The following RASGRP3 variants were observed in gnomAD, a reference collection of about 807,000 sequenced individuals.
The protein encoded by RASGRP3 is ras guanyl-releasing protein 3.
Under a neutral mutation model 82.7 loss-of-function variants are expected in RASGRP3, and 54 were observed. The observed-to-expected ratio is 0.65, with a 90% confidence interval of 0.52 to 0.82. The LOEUF is 0.82. RASGRP3 is among the 40% of genes least tolerant of loss of function. The probability of loss-of-function intolerance (pLI) is 0.00; values close to 1 mark genes in which losing one functional copy is unlikely to be tolerated. For missense variants in RASGRP3, 861 were observed against 828.9 expected, an observed-to-expected ratio of 1.04 and a Z score of -0.48; for synonymous variants, 309 against 300.5, an observed-to-expected ratio of 1.03 and a Z score of -0.29.
intron 3 of RASGRP3, among the ~76,000 whole-genome samples, chr2:33,515,863 C>A (rs1351134893): frequency 6.6e-6 from 1 of 152,150 alleles, no homozygotes; most frequent in African/African-American, 2.4e-5. Context: ...AGAGTTAAAC[C>A]AGTGCAGGGT....
chr2:33,549,675 TG>T lies in RASGRP3; in HGVS notation c.1469del (p.Gly490AspfsTer11). 1 of 1,613,870 alleles carries T rather than the reference TG, an allele frequency of 6.2e-7. No individual in the cohort carries two copies. Among genetic ancestry groups the T allele is most frequent in the Non-Finnish European group, 8.5e-7 (1 of 1,179,754 alleles). ...LRAKSQLHCKMGPGFIHNFQE... is the reference protein window; with the variant it reads ...LRAKSQLHCKXGPGFIHNFQE... ...GCTAAATCCCAACTACACTGTAAAA[TG>T]GGACCAGGATTTATCCATAATTTTC... On this transcript the variant is annotated frameshift_variant, in exon 14 of 18. Transcript: ENST00000403687. LOFTEE classifies it high-confidence loss of function.
At chr2:33,483,097 T>C (rs1198234375) in intron 1 of RASGRP3, among the ~76,000 whole-genome samples, 3 of 152,118 alleles carry the variant, frequency 2.0e-5, no homozygotes, top group African/African-American at 7.2e-5. Context: ...TTATGGTCTA[T>C]AGAATGTAGG....
intron 2 of RASGRP3, among the ~76,000 whole-genome samples, chr2:33,461,475 G>T (rs1022542814): frequency 5.3e-5 from 8 of 152,010 alleles, no homozygotes; most frequent in East Asian, 1.9e-4. Flanking sequence ...GCGGGGTTTC[G>T]CCATGTTGGC....
intron 1 of RASGRP3, among the ~76,000 whole-genome samples, chr2:33,507,843 A>G (rs1381067720): frequency 6.6e-6 from 1 of 152,216 alleles, no homozygotes; most frequent in Non-Finnish European, 1.5e-5. Context: ...GGATTTTTAA[A>G]AGATTCTTTC....
At chr2:33,493,232 G>A (rs1669012284) in intron 1 of RASGRP3, 1 of 152,204 alleles carries the variant, frequency 6.6e-6, no homozygotes, top group Non-Finnish European at 1.5e-5. Flanking sequence ...CTGACAATGT[G>A]GGAAGCATTT....
At chr2:33,551,558 C>T (rs1452548532) in intron 14 of RASGRP3, among the ~76,000 whole-genome samples, 5 of 151,678 alleles carry the variant, frequency 3.3e-5, no homozygotes, top group African/African-American at 9.7e-5. Context: ...CTCAAGGTCC[C>T]GGGTGCTGTG....
chr2:33,512,076 A>G (rs949406152), intron 2 of RASGRP3, among the ~76,000 whole-genome samples: 2 of 152,248 alleles, frequency 1.3e-5, no homozygotes, highest in South Asian at 2.1e-4. Flanking sequence ...ATGTCCACAC[A>G]TAGGAAATGA....
At chr2:33,473,811 CA>C (rs2150920938), upstream of RASGRP3, among the ~76,000 whole-genome samples, 1 of 152,294 alleles carries the variant, frequency 6.6e-6, no homozygotes, top group South Asian at 2.1e-4. Flanking sequence ...AGAACCTCTA[CA>C]CCAGTGGTCC....
intron 11 of RASGRP3, among the ~76,000 whole-genome samples, chr2:33,535,148 C>T (rs1271326772): frequency 6.6e-6 from 1 of 152,150 alleles, no homozygotes; most frequent in Non-Finnish European, 1.5e-5. Context: ...TCTCTACTAA[C>T]CATTGATTCA....
chr2:33,513,358 T>C (rs1217199784), intron 2 of RASGRP3, among the ~76,000 whole-genome samples: 1 of 152,124 alleles, frequency 6.6e-6, no homozygotes, highest in Non-Finnish European at 1.5e-5. Flanking sequence ...ATATGGACAT[T>C]AGGTATTTTT....
At chr2:33,543,162 A>G (rs1025340271) in intron 12 of RASGRP3, among the ~76,000 whole-genome samples, 1 of 151,866 alleles carries the variant, frequency 6.6e-6, no homozygotes, top group African/African-American at 2.4e-5. Flanking sequence ...ATAGGCATGC[A>G]CCACCGTGCC....
chr2:33,487,080 C>T lies in RASGRP3; in HGVS notation c.-261+10373C>T, dbSNP rs143688238. On this transcript the variant is annotated intron_variant, in intron 1 of 17. Coordinates refer to ENST00000403687, the MANE Select transcript of RASGRP3 (RefSeq NM_001139488.2). Reference sequence around the variant, plus strand: ...TATATATCCCTACCGATGTTCTCCCCTTCCCATATTAGCTTTGAAGTAAAT... The same window carrying T: ...TATATATCCCTACCGATGTTCTCCCTTTCCCATATTAGCTTTGAAGTAAAT... Among the ~76,000 whole-genome samples the T allele has an allele frequency of 9.5e-4, 145 of 152,246 alleles. 2 individuals carry two copies. The East Asian group carries it at 0.025, about 27-fold the overall frequency.
At chr2:33,485,579 A>C (rs1170128330) in intron 1 of RASGRP3, among the ~76,000 whole-genome samples, 1 of 152,220 alleles carries the variant, frequency 6.6e-6, no homozygotes, top group East Asian at 1.9e-4. Flanking sequence ...TAGCAGTGAC[A>C]GTTTGCTTTA....
In RASGRP3 at chr2:33,539,111, G is replaced by A. The variant is rs376346410; in HGVS notation, c.1179G>A (p.Thr393=). 1.4e-4 allele frequency: 233 copies of A among 1,607,264 alleles called. No individual in the cohort carries two copies. Among genetic ancestry groups the A allele is most frequent in the Non-Finnish European group, 1.8e-4 (217 of 1,176,990 alleles). Reference sequence around the variant, plus strand: ...TTTATCAGCAGCCTACCTCCCCTACGACGCCCAACAAGCCTGTGGTACCCC... The same window carrying A: ...TTTATCAGCAGCCTACCTCCCCTACAACGCCCAACAAGCCTGTGGTACCCC... The part of the protein sequence containing the change: ...RNSKSQPTSP[T]TPNKPVVPLE... Residue 393 remains threonine, a synonymous_variant, in exon 12 of 18, where the codon ACG becomes ACA. Coordinates refer to ENST00000403687, the MANE Select transcript of RASGRP3 (RefSeq NM_001139488.2).
At chr2:33,527,021 G>T in intron 9 of RASGRP3, 116 bp from the exon 10 acceptor site, 1 of 1,064,040 alleles carries the variant, frequency 9.4e-7, no homozygotes, top group Non-Finnish European at 1.3e-6. Context: ...CAGCAACATT[G>T]GTGCAAGTGA....
In RASGRP3 at chr2:33,547,342, C is replaced by CTTTTTTTTTTTTTTTTT. The variant is rs59601670; in HGVS notation, c.1395-2249_1395-2233dup. Among the ~76,000 whole-genome samples, 15 of 68,208 alleles carry CTTTTTTTTTTTTTTTTT rather than the reference C, an allele frequency of 2.2e-4. 2 individuals carry two copies. The highest frequency in any genetic ancestry group is 2.8e-4 in the Non-Finnish European group (11 of 39,016). 44.7% of individuals were successfully genotyped at this position (68,208 alleles called of 152,430 possible). On this transcript the variant is annotated intron_variant, in intron 13 of 17. Transcript: ENST00000403687. ...CCCGCAAGCTTGAGAATATAGAATCCTTTTTTTTTTTTTTTTTTTTTTTTT... is the reference window on the plus strand; with the variant it reads ...CCCGCAAGCTTGAGAATATAGAATCCTTTTTTTTTTTTTTTTTTTTTTTTTTTTTTTTTTTTTTTTTT...
At chr2:33,546,898 C>G (rs1674817211) in intron 13 of RASGRP3, among the ~76,000 whole-genome samples, 1 of 151,886 alleles carries the variant, frequency 6.6e-6, no homozygotes, top group Non-Finnish European at 1.5e-5. Context: ...GAAACCCCAT[C>G]TCTACTGAAA....
chr2:33,549,666 A>C lies in RASGRP3; in HGVS notation c.1457A>C (p.His486Pro). 1 of 1,613,478 alleles carries C rather than the reference A, an allele frequency of 6.2e-7. No individual in the cohort carries two copies. The highest frequency in any genetic ancestry group is 8.5e-7 in the Non-Finnish European group (1 of 1,179,474). ...AYFLRAKSQLHCKMGPGFIHN... is the reference protein window; with the variant it reads ...AYFLRAKSQLPCKMGPGFIHN... ...TTCCTGAGAGCTAAATCCCAACTAC[A>C]CTGTAAAATGGGACCAGGATTTATC... The change falls in exon 14 of 18, where the codon CAC becomes CCC. Residue 486 changes from histidine (H) to proline (P), a missense_variant. By Grantham distance (77) the His-to-Pro change is moderately conservative. Coordinates refer to ENST00000403687, the MANE Select transcript of RASGRP3 (RefSeq NM_001139488.2).
chr2:33,558,400 T>A, intron 16 of RASGRP3, 64 bp downstream of exon 16: 1 of 1,608,084 alleles, frequency 6.2e-7, no homozygotes, highest in Non-Finnish European at 8.5e-7. Flanking sequence ...CACTTGGACC[T>A]CATTTAGGTT....
Sources: gnomAD v4.1 joint callset for allele counts (sites outside exome capture counted in the v4.1 genomes callset) on GRCh38, gnomAD v4.1.1 for gene constraint, MANE v1.5 for transcripts, NCBI Gene and HGNC (gene_info 2026-07-23, HGNC 2026-07-21) for gene names.